The following DDX10 variants were observed in gnomAD, a reference collection of about 807,000 sequenced individuals.
DDX10 encodes the protein DEAD-box helicase 10.
A neutral mutation model predicts 104.3 loss-of-function variants in DDX10; 74 were observed. The ratio of observed to expected loss-of-function variants is 0.71; its 90% CI spans 0.59 to 0.86. DDX10 has a LOEUF of 0.86. Among genes scored for constraint, DDX10 ranks in the 40% least tolerant of loss-of-function variants. DDX10 has a pLI of 0.00. For synonymous variants in DDX10, 351 were observed against 353.4 expected (o/e 0.99, Z 0.08); for missense variants, 952 against 1,040.0 (o/e 0.92, Z 1.16).
At chr11:108,822,985 C>G (rs1388905655) in intron 13 of DDX10, among the ~76,000 whole-genome samples, 1 of 152,152 alleles carries the variant, frequency 6.6e-6, no homozygotes, top group Non-Finnish European at 1.5e-5. Flanking sequence ...GTTTGGAGTT[C>G]CAGCCCTGAC....
intron 10 of DDX10, among the ~76,000 whole-genome samples, chr11:108,714,462 A>G (rs2094288719): frequency 6.7e-6 from 1 of 150,242 alleles, no homozygotes; most frequent in Admixed American, 6.6e-5. Context: ...CTTTTTACTT[A>G]TTGTTATGAT....
At chr11:108,827,367 CTG>C (rs1413828178) in intron 13 of DDX10, among the ~76,000 whole-genome samples, 2 of 152,170 alleles carry the variant, frequency 1.3e-5, no homozygotes, top group East Asian at 1.9e-4. Context: ...AATGCAGAGT[CTG>C]TGTAACAGGC....
intron 14 of DDX10, 25 bp from the exon 15 acceptor site, chr11:108,841,290 A>C: frequency 6.2e-7 from 1 of 1,607,240 alleles, no homozygotes; most frequent in South Asian, 1.1e-5. Context: ...CTTCCTGTTG[A>C]CACTGACCTT....
At chr11:108,720,651 T>A (rs1565257933) in intron 12 of DDX10, among the ~76,000 whole-genome samples, 1 of 152,098 alleles carries the variant, frequency 6.6e-6, no homozygotes, top group Non-Finnish European at 1.5e-5. Flanking sequence ...AGTGCAGTGG[T>A]GTGATCATGG....
chr11:108,872,481 G>GTACTT (rs1309520684), intron 16 of DDX10, among the ~76,000 whole-genome samples: 1 of 152,116 alleles, frequency 6.6e-6, no homozygotes, highest in Non-Finnish European at 1.5e-5. Flanking sequence ...TGCGGGTGTA[G>GTACTT]TTTATAAAAA....
At chr11:108,931,185 A>G (rs1322382406) in intron 17 of DDX10, among the ~76,000 whole-genome samples, 1 of 152,226 alleles carries the variant, frequency 6.6e-6, no homozygotes, top group Admixed American at 6.5e-5. Flanking sequence ...CTTTCACCTT[A>G]CATGGTAAAG....
rs987268534 is a variant in DDX10, at chr11:108,878,784, A to G, written c.2304+26575A>G. ...AAGAACTTGTGCATTAGAGATTAAC[A>G]TAGTTGTTTTTTTTTTCTCAGTTTG... On this transcript the variant is annotated intron_variant, in intron 16 of 17. Transcript: ENST00000322536. Among the ~76,000 whole-genome samples, 5 of 33,724 alleles carry G rather than the reference A, an allele frequency of 1.5e-4. No individual in the cohort carries two copies. The Admixed American group carries it at 1.6e-3, about 11-fold the overall frequency. The allele number at this position is 33,724 out of a possible 152,430, so 22.1% of individuals were successfully genotyped here.
chr11:108,919,759 C>T (rs1863799458), intron 17 of DDX10: 1 of 152,156 alleles, frequency 6.6e-6, no homozygotes, highest in Non-Finnish European at 1.5e-5. Flanking sequence ...GATTTTTTCC[C>T]TAACATTTTA....
intron 13 of DDX10, among the ~76,000 whole-genome samples, chr11:108,810,903 C>G (rs1240766693): frequency 2.0e-5 from 3 of 152,116 alleles, no homozygotes; most frequent in Non-Finnish European, 4.4e-5. Flanking sequence ...CGTTTCGCAC[C>G]TCCCCTAGAT....
intron 10 of DDX10, among the ~76,000 whole-genome samples, chr11:108,708,110 G>A (rs1366932895): frequency 1.3e-5 from 2 of 151,338 alleles, no homozygotes; most frequent in African/African-American, 2.4e-5. Flanking sequence ...ATTCCTGCCA[G>A]CAATTAATGA....
chr11:108,859,852 A>G (rs1862917680), intron 16 of DDX10, among the ~76,000 whole-genome samples: 1 of 152,162 alleles, frequency 6.6e-6, no homozygotes, highest in African/African-American at 2.4e-5. Flanking sequence ...ACTTAGGATC[A>G]TTTGCCTATA....
intron 15 of DDX10, among the ~76,000 whole-genome samples, chr11:108,843,883 T>C (rs950299324): frequency 6.6e-6 from 1 of 152,248 alleles, no homozygotes; most frequent in Non-Finnish European, 1.5e-5. Flanking sequence ...TTTATGCAGA[T>C]AGAAATAAAT....
intron 16 of DDX10, among the ~76,000 whole-genome samples, chr11:108,893,506 C>T (rs58113333): frequency 0.02 from 3,090 of 151,506 alleles, 114 homozygotes; most frequent in African/African-American, 0.071. Flanking sequence ...AATGTTAACC[C>T]ATAAATAATG....
Position 108,665,113 on chromosome 11 carries a change from C to A in DDX10, c.-41C>A, listed in dbSNP as rs371202116. The A allele has an allele frequency of 1.9e-6, 3 of 1,562,604 alleles. No individual in the cohort carries two copies. The highest frequency in any genetic ancestry group is 1.4e-5 in the African/African-American group (1 of 72,422). On this transcript the variant is annotated 5_prime_UTR_variant, in exon 1 of 18. Coordinates refer to ENST00000322536, the MANE Select transcript of DDX10 (RefSeq NM_004398.4). ...TCCGTGAGTCTGGCCTTAGGTGTCT[C>A]GTGTCTGGGGTTGATCCGAGCTGTC...
At chr11:108,697,816 A>G (rs566748005) in intron 9 of DDX10, among the ~76,000 whole-genome samples, 49 of 152,348 alleles carry the variant, frequency 3.2e-4, no homozygotes, top group African/African-American at 1.1e-3. Context: ...TTGAAAGTAG[A>G]AAATATTTGG....
intron 17 of DDX10, among the ~76,000 whole-genome samples, chr11:108,926,629 A>T (rs1374519101): frequency 6.6e-6 from 1 of 152,234 alleles, no homozygotes; most frequent in African/African-American, 2.4e-5. Context: ...TAAGGACATG[A>T]TACATTTTCA....
intron 16 of DDX10, among the ~76,000 whole-genome samples, chr11:108,852,958 G>C (rs1862815394): frequency 6.6e-6 from 1 of 152,102 alleles, no homozygotes; most frequent in Non-Finnish European, 1.5e-5. Flanking sequence ...CAACTCCCTT[G>C]AGGAAGCCTA....
In DDX10 at chr11:108,856,240, G is replaced by A. The variant is rs1018334584; in HGVS notation, c.2304+4031G>A. Among the ~76,000 whole-genome samples, 8 of 152,242 alleles carry A rather than the reference G, an allele frequency of 5.3e-5. 1 individual carries two copies. The highest frequency in any genetic ancestry group is 1.9e-4 in the African/African-American group (8 of 41,548). ...CGGTGAGGGGTTCAAGACCAGCCTGGCCAACATGGCAAAACCCTGTCTCTA... is the reference window on the plus strand; with the variant it reads ...CGGTGAGGGGTTCAAGACCAGCCTGACCAACATGGCAAAACCCTGTCTCTA... On this transcript the variant is annotated intron_variant, in intron 16 of 17. Coordinates refer to ENST00000322536, the MANE Select transcript of DDX10 (RefSeq NM_004398.4).
At chr11:108,754,270 C>T (rs958758953) in intron 13 of DDX10, among the ~76,000 whole-genome samples, 1 of 151,994 alleles carries the variant, frequency 6.6e-6, no homozygotes, top group Admixed American at 6.6e-5. Flanking sequence ...GCTTGCCCTC[C>T]GTCTGAGTTG....
Sources: gnomAD v4.1 joint callset for allele counts (sites outside exome capture counted in the v4.1 genomes callset) on GRCh38, gnomAD v4.1.1 for gene constraint, MANE v1.5 for transcripts, NCBI Gene and HGNC (gene_info 2026-07-23, HGNC 2026-07-21) for gene names.